Variants in EPHA6 observed in about 807,000 individuals in gnomAD.
EPHA6 encodes ephrin type-A receptor 6.
In EPHA6, 50 loss-of-function variants were observed where a neutral mutation model predicts 112.0. The ratio of observed to expected loss-of-function variants is 0.45; its 90% CI spans 0.36 to 0.56. EPHA6 has a LOEUF of 0.56. Among genes scored for constraint, EPHA6 ranks in the 20% least tolerant of loss-of-function variants. The pLI is 0.00. For synonymous variants in EPHA6, 529 were observed against 490.7 expected, an observed-to-expected ratio of 1.08 and a Z score of -1.03; for missense variants, 1,280 against 1,417.4, an observed-to-expected ratio of 0.90 and a Z score of 1.56.
At chr3:97,294,768 A>G (rs1488702893) in intron 5 of EPHA6, among the ~76,000 whole-genome samples, 1 of 152,078 alleles carries the variant, frequency 6.6e-6, no homozygotes. Flanking sequence ...GGACTTAAGC[A>G]TTTATTATCT....
intron 1 of EPHA6, among the ~76,000 whole-genome samples, chr3:96,835,901 CT>C (rs143617884): frequency 3.8e-4 from 58 of 152,124 alleles, no homozygotes; most frequent in African/African-American, 1.4e-3. Context: ...GCATAGTAAA[CT>C]TTGGCAAGAA....
chr3:97,727,684 A>G (rs1351527694), intron 15 of EPHA6, among the ~76,000 whole-genome samples: 1 of 152,080 alleles, frequency 6.6e-6, no homozygotes, highest in African/African-American at 2.4e-5. Flanking sequence ...AGGAATTTTT[A>G]CATTTATTTG....
At chr3:96,913,756 CA>C (rs1306222931) in intron 2 of EPHA6, among the ~76,000 whole-genome samples, 5 of 152,038 alleles carry the variant, frequency 3.3e-5, no homozygotes, top group Non-Finnish European at 5.9e-5. Context: ...GGGATCTAAG[CA>C]CCATGAATAA....
At chr3:97,617,419 A>C (rs1464056425) in intron 13 of EPHA6, among the ~76,000 whole-genome samples, 2 of 152,206 alleles carry the variant, frequency 1.3e-5, no homozygotes, top group African/African-American at 4.8e-5. Flanking sequence ...TCAAATCCAC[A>C]CATAACAATA....
intron 16 of EPHA6, among the ~76,000 whole-genome samples, chr3:97,741,392 C>T (rs1282987755): frequency 6.6e-6 from 1 of 151,866 alleles, no homozygotes; most frequent in Non-Finnish European, 1.5e-5. Context: ...TTCCCATAAA[C>T]TTCTGGCACA....
chr3:97,344,839 T>C (rs1178936300), intron 5 of EPHA6, among the ~76,000 whole-genome samples: 2 of 151,898 alleles, frequency 1.3e-5, no homozygotes, highest in Non-Finnish European at 2.9e-5. Context: ...GGAAAGAATA[T>C]CATCAATTCT....
intron 6 of EPHA6, among the ~76,000 whole-genome samples, chr3:97,430,957 G>A (rs1326290406): frequency 1.3e-5 from 2 of 151,988 alleles, no homozygotes; most frequent in Non-Finnish European, 2.9e-5. Flanking sequence ...CAGTGACCTT[G>A]TAGAATCCGT....
chr3:96,942,472 G>GT (rs1444603004), intron 2 of EPHA6, among the ~76,000 whole-genome samples: 1 of 152,180 alleles, frequency 6.6e-6, no homozygotes, highest in Non-Finnish European at 1.5e-5. Context: ...GAAAAGCGCA[G>GT]TATTAGGGTG....
intron 8 of EPHA6, among the ~76,000 whole-genome samples, chr3:97,478,059 G>T (rs539254120): frequency 6.6e-6 from 1 of 151,974 alleles, no homozygotes; most frequent in South Asian, 2.1e-4. Flanking sequence ...TTTATGGAGG[G>T]AGTAATTTCT....
intron 12 of EPHA6, among the ~76,000 whole-genome samples, chr3:97,600,991 G>A (rs1006821692): frequency 1.3e-5 from 2 of 151,658 alleles, no homozygotes; most frequent in African/African-American, 4.8e-5. Context: ...CTAGCCTTTG[G>A]CCTTAACTAA....
At chr3:97,505,838 C>T (rs976547073) in intron 10 of EPHA6, among the ~76,000 whole-genome samples, 2 of 152,178 alleles carry the variant, frequency 1.3e-5, no homozygotes, top group Non-Finnish European at 2.9e-5. Flanking sequence ...CACATCCTCT[C>T]CAGCATCTGT....
intron 2 of EPHA6, among the ~76,000 whole-genome samples, chr3:96,933,286 T>G (rs1328762294): frequency 6.6e-6 from 1 of 152,168 alleles, no homozygotes; most frequent in Non-Finnish European, 1.5e-5. Flanking sequence ...AAGTAGGTGA[T>G]TAAAATATAT....
chr3:96,994,898 TAACTA>T (rs2043364032), intron 3 of EPHA6, among the ~76,000 whole-genome samples: 1 of 151,658 alleles, frequency 6.6e-6, no homozygotes, highest in African/African-American at 2.4e-5. Context: ...CAGTATAACT[TAACTA>T]AATACTATTT....
At chr3:97,566,844 C>T (rs906088880) in intron 11 of EPHA6, among the ~76,000 whole-genome samples, 1 of 152,170 alleles carries the variant, frequency 6.6e-6, no homozygotes, top group African/African-American at 2.4e-5. Flanking sequence ...TATTCAATTC[C>T]AATGAGTAAT....
chr3:97,390,219 G>A (rs780469333), intron 5 of EPHA6, among the ~76,000 whole-genome samples: 2 of 152,034 alleles, frequency 1.3e-5, no homozygotes, highest in Non-Finnish European at 1.5e-5. Flanking sequence ...CAGAAACAAT[G>A]GCAGTGAATT....
intron 10 of EPHA6, among the ~76,000 whole-genome samples, chr3:97,503,131 T>TA (rs1458914265): frequency 1.3e-5 from 2 of 152,060 alleles, no homozygotes; most frequent in East Asian, 3.9e-4. Context: ...AAAAATTAGA[T>TA]AAAAGAGACA....
intron 10 of EPHA6, among the ~76,000 whole-genome samples, chr3:97,509,747 G>T (rs1230674811): frequency 1.3e-5 from 2 of 152,050 alleles, no homozygotes; most frequent in Non-Finnish European, 2.9e-5. Context: ...TATTAGGTTG[G>T]GGAAGTTCTC....
intron 5 of EPHA6, among the ~76,000 whole-genome samples, chr3:97,378,458 G>C (rs963012717): frequency 6.6e-6 from 1 of 152,188 alleles, no homozygotes; most frequent in Non-Finnish European, 1.5e-5. Context: ...ACCACCTAGT[G>C]GAGCTGTGAG....
intron 3 of EPHA6, among the ~76,000 whole-genome samples, chr3:97,077,213 AT>A (rs2046555839): frequency 6.6e-6 from 1 of 152,104 alleles, no homozygotes; most frequent in Non-Finnish European, 1.5e-5. Flanking sequence ...AACATTTGTG[AT>A]TTATGGGAGG....
Sources: gnomAD v4.1 joint callset for allele counts (sites outside exome capture counted in the v4.1 genomes callset) on GRCh38, gnomAD v4.1.1 for gene constraint, MANE v1.5 for transcripts, NCBI Gene and HGNC (gene_info 2026-07-23, HGNC 2026-07-21) for gene names.